MAPK4: variants seen among roughly 807,000 people sequenced by gnomAD.
MAPK4 encodes Erk3-related.
A neutral mutation model predicts 47.7 loss-of-function variants in MAPK4; 22 were observed. The ratio of observed to expected loss-of-function variants is 0.46; its 90% CI spans 0.33 to 0.66. The LOEUF (loss-of-function observed/expected upper bound fraction) is 0.66, where lower values mean the gene tolerates loss of function less well. Among genes scored for constraint, MAPK4 ranks in the 30% least tolerant of loss-of-function variants. MAPK4 has a pLI of 0.02. For missense variants in MAPK4, 736 were observed against 831.7 expected (o/e 0.88, Z 1.42); for synonymous variants, 390 against 365.7 (o/e 1.07, Z -0.76).
intron 4 of MAPK4, among the ~76,000 whole-genome samples, chr18:50,724,440 TG>T (rs1280463714): frequency 6.6e-6 from 1 of 152,172 alleles, no homozygotes; most frequent in East Asian, 1.9e-4. Flanking sequence ...AAGTCATGGC[TG>T]GGGCCAAAAA....
chr18:50,601,111 AAAAG>A (rs1341362321), intron 1 of MAPK4, among the ~76,000 whole-genome samples: 17 of 151,176 alleles, frequency 1.1e-4, no homozygotes, highest in East Asian at 9.7e-4. Flanking sequence ...AAAAAAAAAA[AAAAG>A]AAGAAGAAGA....
rs2149353026 is a variant in MAPK4, at chr18:50,560,169, C to T, written c.-945C>T. 6.7e-6 allele frequency: 1 copy of T among 150,202 alleles called. No homozygotes were observed. The highest frequency in any genetic ancestry group is 2.0e-4 in the East Asian group (1 of 5,102). 9.3% of individuals were successfully genotyped at this position (150,202 alleles called of 1,614,324 possible). A position where few individuals can be genotyped will look rare whatever the true frequency, so the allele number is the denominator to read the frequency against. On this transcript the variant is annotated 5_prime_UTR_variant, in exon 1 of 6. Transcript: ENST00000400384. ...GCGCCGTGGCTGGGACCGGCCTGGC[C>T]GAGCGCGCCGGCGCCGCGGCCGCAG...
chr18:50,628,970 CT>C (rs1441350469), intron 1 of MAPK4, among the ~76,000 whole-genome samples: 3 of 152,122 alleles, frequency 2.0e-5, no homozygotes, highest in Admixed American at 2.0e-4. Context: ...TATTTCTTTT[CT>C]TTGTCCTTCT....
At chr18:50,673,965 G>A (rs1217363944) in intron 2 of MAPK4, among the ~76,000 whole-genome samples, 1 of 152,132 alleles carries the variant, frequency 6.6e-6, no homozygotes, top group Non-Finnish European at 1.5e-5. Flanking sequence ...TTCATTCATA[G>A]GATTGTTCCC....
chr18:50,722,701 C>A (rs1054565952), intron 4 of MAPK4, among the ~76,000 whole-genome samples: 2 of 152,182 alleles, frequency 1.3e-5, no homozygotes, highest in Non-Finnish European at 2.9e-5. Flanking sequence ...CAAGACCACA[C>A]TGGGGGCATT....
chr18:50,567,746 G>A (rs2042211887), intron 1 of MAPK4, among the ~76,000 whole-genome samples: 3 of 151,828 alleles, frequency 2.0e-5, no homozygotes, highest in Admixed American at 6.6e-5. Context: ...GTGTGTGTGT[G>A]TGTGTGTGGG....
At chr18:50,685,901 T>C (rs1216285212) in intron 2 of MAPK4, among the ~76,000 whole-genome samples, 1 of 151,886 alleles carries the variant, frequency 6.6e-6, no homozygotes, top group African/African-American at 2.4e-5. Context: ...TCACAGAGAG[T>C]TCTGATACAA....
chr18:50,648,020 A>C (rs2043007171), intron 1 of MAPK4, among the ~76,000 whole-genome samples: 1 of 152,062 alleles, frequency 6.6e-6, no homozygotes, highest in South Asian at 2.1e-4. Flanking sequence ...CAGAAACCAT[A>C]CATGGTTGGA....
At chr18:50,563,327 G>A (rs1016213583) in intron 1 of MAPK4, among the ~76,000 whole-genome samples, 6 of 152,214 alleles carry the variant, frequency 3.9e-5, no homozygotes, top group African/African-American at 1.4e-4. Context: ...TGGCAAAGGT[G>A]TCAAGGAAAA....
chr18:50,694,282 C>T (rs1909388296), intron 2 of MAPK4, among the ~76,000 whole-genome samples: 1 of 152,174 alleles, frequency 6.6e-6, no homozygotes. Context: ...CATCCTCCCT[C>T]CTCATGCACG....
chr18:50,559,799 G>A (rs2149352800), upstream of MAPK4, among the ~76,000 whole-genome samples: 1 of 151,982 alleles, frequency 6.6e-6, no homozygotes, highest in Admixed American at 6.5e-5. Context: ...TACCGCGTGT[G>A]CCCCGGGAAG....
At chr18:50,567,095 T>C (rs1232091429) in intron 1 of MAPK4, among the ~76,000 whole-genome samples, 2 of 152,116 alleles carry the variant, frequency 1.3e-5, no homozygotes, top group African/African-American at 4.8e-5. Context: ...GTTTTATTGA[T>C]GCTTTTTTTT....
At chr18:50,636,899 G>A (rs1482286422) in intron 1 of MAPK4, among the ~76,000 whole-genome samples, 1 of 152,174 alleles carries the variant, frequency 6.6e-6, no homozygotes, top group Non-Finnish European at 1.5e-5. Flanking sequence ...GAGTATGTGA[G>A]ATCATCTCTG....
At chr18:50,628,537 CAA>C (rs1405353165) in intron 1 of MAPK4, among the ~76,000 whole-genome samples, 2 of 152,216 alleles carry the variant, frequency 1.3e-5, no homozygotes, top group Non-Finnish European at 2.9e-5. Context: ...TAAGATTTCG[CAA>C]AGTGTTTTTT....
intron 1 of MAPK4, among the ~76,000 whole-genome samples, chr18:50,659,248 T>C (rs1052369571): frequency 6.6e-6 from 1 of 152,172 alleles, no homozygotes; most frequent in Non-Finnish European, 1.5e-5. Flanking sequence ...TCAGACTGAC[T>C]GCGATGTGAA....
intron 2 of MAPK4, among the ~76,000 whole-genome samples, chr18:50,701,293 C>A (rs1165140296): frequency 6.6e-6 from 1 of 151,962 alleles, no homozygotes; most frequent in Non-Finnish European, 1.5e-5. Context: ...TTTGCACAAC[C>A]CTGACCAAGG....
At chr18:50,722,165 A>G (rs1406484638) in intron 4 of MAPK4, 66 bp downstream of exon 4, 1 of 1,539,486 alleles carries the variant, frequency 6.5e-7, no homozygotes, top group African/African-American at 1.4e-5. Context: ...CTTGCGGGGT[A>G]GGGGGCAGGC....
At chr18:50,606,696 A>G (rs1225908115) in intron 1 of MAPK4, among the ~76,000 whole-genome samples, 3 of 152,220 alleles carry the variant, frequency 2.0e-5, no homozygotes, top group African/African-American at 7.2e-5. Context: ...TGGGCCATAC[A>G]GTCTCTTTTG....
intron 1 of MAPK4, among the ~76,000 whole-genome samples, chr18:50,654,570 T>A (rs1468923447): frequency 6.6e-6 from 1 of 152,218 alleles, no homozygotes; most frequent in Non-Finnish European, 1.5e-5. Context: ...CTCCTTCCTT[T>A]AAAAAGAGAA....
Sources: gnomAD v4.1 joint callset for allele counts (sites outside exome capture counted in the v4.1 genomes callset) on GRCh38, gnomAD v4.1.1 for gene constraint, MANE v1.5 for transcripts, NCBI Gene and HGNC (gene_info 2026-07-23, HGNC 2026-07-21) for gene names.